Variants in GLI2 observed in about 807,000 individuals in gnomAD.
GLI2 encodes the protein GLI family zinc finger 2.
Under a neutral mutation model 78.9 loss-of-function variants are expected in GLI2, and 22 were observed. The observed-to-expected ratio is 0.28, with a 90% CI of 0.20 to 0.40. The LOEUF (loss-of-function observed/expected upper bound fraction) is 0.40. GLI2 is among the 10% of genes least tolerant of loss of function. GLI2 has a pLI of 1.00. For synonymous variants in GLI2, 974 were observed against 963.7 expected, an observed-to-expected ratio of 1.01 and a Z score of -0.20; for missense variants, 2,097 against 2,213.2, an observed-to-expected ratio of 0.95 and a Z score of 1.05.
chr2:120,863,485 A>G (rs1687993041), intron 2 of GLI2, among the ~76,000 whole-genome samples: 1 of 152,234 alleles, frequency 6.6e-6, no homozygotes, highest in South Asian at 2.1e-4. Context: ...CACGTGAAGA[A>G]CACACAGTTC....
chr2:120,816,039 T>C (rs1005556848), intron 2 of GLI2, among the ~76,000 whole-genome samples: 4 of 152,170 alleles, frequency 2.6e-5, no homozygotes, highest in African/African-American at 9.7e-5. Flanking sequence ...CCTGGCTCTA[T>C]GGGAGAAAGA....
intron 2 of GLI2, among the ~76,000 whole-genome samples, chr2:120,900,776 TG>T (rs1361659941): frequency 6.6e-6 from 1 of 152,256 alleles, no homozygotes; most frequent in African/African-American, 2.4e-5. Flanking sequence ...TTGAGCGGTT[TG>T]CTCAGGATGG....
chr2:120,797,316 C>T lies in GLI2; in HGVS notation c.-5C>T, dbSNP rs1344418236. 1.2e-6 allele frequency: 2 copies of T among 1,613,818 alleles called. No homozygotes were observed. The highest frequency in any genetic ancestry group is 2.7e-5 in the African/African-American group (2 of 74,896). ...GATTGCCACCCAGGACGATGAGCGG[C>T]TGAGATGGAGACGTCTGCCTCAGCC... On this transcript the variant is annotated 5_prime_UTR_variant, in exon 2 of 14. Transcript: ENST00000361492.
intron 4 of GLI2, among the ~76,000 whole-genome samples, chr2:120,954,860 G>C (rs980647954): frequency 6.6e-6 from 1 of 152,212 alleles, no homozygotes; most frequent in African/African-American, 2.4e-5. Flanking sequence ...CCAGCCGCGT[G>C]CCGCTGAAGT....
chr2:120,815,013 G>A (rs191822079), intron 2 of GLI2, among the ~76,000 whole-genome samples: 1 of 152,122 alleles, frequency 6.6e-6, no homozygotes, highest in South Asian at 2.1e-4. Flanking sequence ...CAGCGTCCAC[G>A]GGCCTGAGAC....
At chr2:120,951,689 A>G in intron 4 of GLI2, 1 of 498,172 alleles carries the variant, frequency 2.0e-6, no homozygotes, top group Non-Finnish European at 3.5e-6. Flanking sequence ...AATAACAGTA[A>G]GGGTCTATCC....
rs55917638 is a variant in GLI2, at chr2:120,848,830, G to A, written c.148+51362G>A. Among the ~76,000 whole-genome samples, 990 of 152,322 alleles carry A rather than the reference G, an allele frequency of 6.5e-3. 4 individuals are homozygous for A. Among genetic ancestry groups the A allele is most frequent in the Non-Finnish European group, 0.01 (685 of 68,030 alleles). Reference sequence around the variant, plus strand: ...AGGAAGAAGGAAGGAGTGGCAGGAAGGGGCTGGGATGCCATCTCTGGAGAG... The same window carrying A: ...AGGAAGAAGGAAGGAGTGGCAGGAAAGGGCTGGGATGCCATCTCTGGAGAG... On this transcript the variant is annotated intron_variant, in intron 2 of 13. Coordinates refer to ENST00000361492, the MANE Select transcript of GLI2 (RefSeq NM_001374353.1).
At chr2:120,957,139 C>T (rs1055498184) in intron 5 of GLI2, among the ~76,000 whole-genome samples, 6 of 152,262 alleles carry the variant, frequency 3.9e-5, no homozygotes, top group African/African-American at 9.6e-5. Flanking sequence ...GGCCAACCTC[C>T]GAGGCTGGCC....
At chr2:120,852,985 A>G (rs1428258486) in intron 2 of GLI2, among the ~76,000 whole-genome samples, 1 of 152,152 alleles carries the variant, frequency 6.6e-6, no homozygotes, top group Non-Finnish European at 1.5e-5. Flanking sequence ...GAGCACAGAG[A>G]AGACAGCAAT....
intron 3 of GLI2, among the ~76,000 whole-genome samples, chr2:120,940,682 G>C (rs1389255908): frequency 6.6e-6 from 1 of 152,236 alleles, no homozygotes; most frequent in Non-Finnish European, 1.5e-5. Flanking sequence ...ATGGGATTGA[G>C]GGCCTGTGAT....
At chr2:120,826,474 C>A (rs1686066813) in intron 2 of GLI2, among the ~76,000 whole-genome samples, 1 of 152,234 alleles carries the variant, frequency 6.6e-6, no homozygotes, top group African/African-American at 2.4e-5. Context: ...TGCGTCTCCA[C>A]ACAGAGGAGA....
intron 2 of GLI2, among the ~76,000 whole-genome samples, chr2:120,918,886 G>A (rs2104838258): frequency 6.6e-6 from 1 of 152,332 alleles, no homozygotes; most frequent in African/African-American, 2.4e-5. Flanking sequence ...TGGCTCAGGT[G>A]CGTTCTGCTC....
chr2:120,903,788 G>C (rs765768860), intron 2 of GLI2, among the ~76,000 whole-genome samples: 1 of 152,148 alleles, frequency 6.6e-6, no homozygotes, highest in Non-Finnish European at 1.5e-5. Context: ...TGTGCTTCCT[G>C]CCCTTGGCTG....
At position 120,743,194 on chromosome 2, in the gene GLI2, G is replaced by A. The variant is rs749560328; in HGVS notation, c.-31+6909G>A. ...TGGGACTGAACTCTCTCTGCTTTGG[G>A]GACCAAGGAAGGCTTCCCATTTGAA... On this transcript the variant is annotated intron_variant, in intron 1 of 13. Transcript: ENST00000361492. Among the ~76,000 whole-genome samples the A allele has an allele frequency of 1.1e-3, 175 of 152,248 alleles. 2 individuals are homozygous for A. The highest frequency in any genetic ancestry group is 3.5e-4 in the Non-Finnish European group (24 of 68,020).
At chr2:120,975,664 G>A (rs1230851809) in intron 9 of GLI2, among the ~76,000 whole-genome samples, 7 of 152,166 alleles carry the variant, frequency 4.6e-5, no homozygotes, top group Admixed American at 4.6e-4. Context: ...AGTACTGACA[G>A]CTCAGGTGAT....
At chr2:120,957,133 A>G (rs6754504) in intron 5 of GLI2, among the ~76,000 whole-genome samples, 151,681 of 152,276 alleles carry the variant, frequency 1, 75,546 homozygotes, top group Middle Eastern at 1. Flanking sequence ...GAGGGCGGCC[A>G]ACCTCCGAGG....
chr2:120,916,435 A>G (rs1399394195), intron 2 of GLI2, among the ~76,000 whole-genome samples: 1 of 152,228 alleles, frequency 6.6e-6, no homozygotes, highest in Non-Finnish European at 1.5e-5. Context: ...TGGCTCTGCC[A>G]GGTCTGGCCT....
chr2:120,941,267 C>A (rs1362893179), intron 3 of GLI2, among the ~76,000 whole-genome samples: 4 of 152,202 alleles, frequency 2.6e-5, no homozygotes, highest in African/African-American at 9.6e-5. Flanking sequence ...TTAAAAAATG[C>A]AAATCCCCTT....
At chr2:120,774,213 C>T (rs1683613356) in intron 1 of GLI2, among the ~76,000 whole-genome samples, 1 of 152,180 alleles carries the variant, frequency 6.6e-6, no homozygotes, top group Non-Finnish European at 1.5e-5. Context: ...GTGAAAGATG[C>T]TCTGCTGAGA....
Sources: allele counts gnomAD v4.1 joint callset (sites outside exome capture counted in the v4.1 genomes callset), GRCh38; gene constraint gnomAD v4.1.1; transcripts MANE v1.5; gene names NCBI Gene and HGNC (gene_info 2026-07-23, HGNC 2026-07-21).